DAB1: variants seen among roughly 807,000 people sequenced by gnomAD.
DAB1 encodes DAB adaptor protein 1.
DAB1 carries 15 observed loss-of-function variants against 64.6 expected under a neutral mutation model. The ratio of observed to expected loss-of-function variants is 0.23; its 90% CI spans 0.16 to 0.36. The LOEUF (loss-of-function observed/expected upper bound fraction) is 0.36, where lower values mean the gene tolerates loss of function less well. Ranked by LOEUF, DAB1 falls within the 10% of genes least tolerant of loss-of-function variation. The probability of loss-of-function intolerance (pLI) is 1.00; values close to 1 mark genes in which losing one functional copy is unlikely to be tolerated. For missense variants in DAB1, 596 were observed against 706.7 expected (o/e 0.84, Z 1.78); for synonymous variants, 235 against 251.9 (o/e 0.93, Z 0.64).
At chr1:57,194,519 G>C (rs137980477) in intron 2 of DAB1, among the ~76,000 whole-genome samples, 1 of 152,298 alleles carries the variant, frequency 6.6e-6, no homozygotes, top group East Asian at 1.9e-4. Context: ...CAACAAGTGG[G>C]CCAGATAAAG....
At chr1:57,934,115 C>T (rs996247963) in intron 5 of DAB1, among the ~76,000 whole-genome samples, 2 of 95,480 alleles carry the variant, frequency 2.1e-5, no homozygotes, top group South Asian at 2.9e-4. Context: ...TTAGTAGAGA[C>T]GAGGTTTCAC....
At chr1:57,918,638 C>T (rs1280967490) in intron 5 of DAB1, among the ~76,000 whole-genome samples, 2 of 152,084 alleles carry the variant, frequency 1.3e-5, no homozygotes, top group Non-Finnish European at 2.9e-5. Flanking sequence ...TCCTGGCTAA[C>T]ACAGTGAAAC....
chr1:57,343,479 G>A (rs1178617994), intron 1 of DAB1, among the ~76,000 whole-genome samples: 1 of 152,232 alleles, frequency 6.6e-6, no homozygotes, highest in African/African-American at 2.4e-5. Context: ...TGGTCGATGG[G>A]ACTAGGCGCC....
intron 6 of DAB1, among the ~76,000 whole-genome samples, chr1:57,795,399 T>C (rs952423507): frequency 6.6e-6 from 1 of 151,940 alleles, no homozygotes; most frequent in Non-Finnish European, 1.5e-5. Flanking sequence ...TGGGAAACAC[T>C]GGATGAAGAA....
intron 1 of DAB1, among the ~76,000 whole-genome samples, chr1:57,404,623 CAAGG>C (rs1018245899): frequency 6.6e-6 from 1 of 151,826 alleles, no homozygotes; most frequent in African/African-American, 2.4e-5. Context: ...ATTCAAAAAA[CAAGG>C]AAGAAGGAAT....
chr1:57,076,557 C>T (rs1187285148), intron 4 of DAB1, among the ~76,000 whole-genome samples: 1 of 152,214 alleles, frequency 6.6e-6, no homozygotes, highest in Non-Finnish European at 1.5e-5. Flanking sequence ...TATGCATGAA[C>T]TTCAGGTCAC....
At chr1:58,372,328 G>A (rs58510315) in intron 3 of DAB1, among the ~76,000 whole-genome samples, 31,923 of 152,120 alleles carry the variant, frequency 0.21, 3,390 homozygotes, top group South Asian at 0.27. Flanking sequence ...TTTGCATAGG[G>A]CCTGTGGCCC....
chr1:58,048,975 C>T (rs1290267828), intron 5 of DAB1: 13 of 830,354 alleles, frequency 1.6e-5, no homozygotes, highest in Non-Finnish European at 2.5e-5. Context: ...CCAACAAATA[C>T]CTTTTTCACA....
At chr1:58,538,864 G>C (rs1301663076) in intron 1 of DAB1, 1 of 872,588 alleles carries the variant, frequency 1.1e-6, no homozygotes, top group Non-Finnish European at 2.0e-6. Context: ...AACCGGAGCA[G>C]CTTGAAACCG....
chr1:58,466,249 T>C (rs1645294871), intron 3 of DAB1, among the ~76,000 whole-genome samples: 1 of 152,104 alleles, frequency 6.6e-6, no homozygotes, highest in Non-Finnish European at 1.5e-5. Context: ...AAAGTTTCCG[T>C]AGGATTGTCT....
chr1:57,886,228 G>A (rs564633761), upstream of DAB1, among the ~76,000 whole-genome samples: 7 of 147,398 alleles, frequency 4.7e-5, no homozygotes, highest in South Asian at 1.3e-3. Context: ...GCATAATCTC[G>A]GCTCACTGCA....
chr1:58,416,348 T>A (rs1271803178), intron 3 of DAB1, among the ~76,000 whole-genome samples: 1 of 152,108 alleles, frequency 6.6e-6, no homozygotes, highest in Non-Finnish European at 1.5e-5. Context: ...GTTTTTCCAT[T>A]TGGAGACTGG....
chr1:58,278,241 C>CTGAAAGA (rs1557721067), intron 4 of DAB1, among the ~76,000 whole-genome samples: 1 of 43,388 alleles, frequency 2.3e-5, no homozygotes, highest in African/African-American at 7.6e-5. Flanking sequence ...CTCCTACACA[C>CTGAAAGA]GCATACTGTC....
intron 2 of DAB1, among the ~76,000 whole-genome samples, chr1:57,234,191 G>C (rs1028722611): frequency 6.6e-6 from 1 of 152,140 alleles, no homozygotes. Flanking sequence ...AATACTACAC[G>C]AGTGTACTTT....
intron 5 of DAB1, among the ~76,000 whole-genome samples, chr1:58,030,759 G>A (rs1214347580): frequency 6.6e-6 from 1 of 152,148 alleles, no homozygotes; most frequent in Non-Finnish European, 1.5e-5. Context: ...GAACACATAT[G>A]GAAATAGGCT....
At chr1:57,582,451 C>T (rs1645325035) in intron 7 of DAB1, among the ~76,000 whole-genome samples, 1 of 152,166 alleles carries the variant, frequency 6.6e-6, no homozygotes, top group Non-Finnish European at 1.5e-5. Context: ...GTGGGGATTA[C>T]AATTCAAGAT....
At chr1:57,149,569 T>A (rs955064720) in intron 2 of DAB1, among the ~76,000 whole-genome samples, 1 of 152,206 alleles carries the variant, frequency 6.6e-6, no homozygotes, top group African/African-American at 2.4e-5. Context: ...TTGACTTGCA[T>A]TTCCCTAAGG....
At chr1:57,555,889 T>C (rs1337448488) in intron 7 of DAB1, among the ~76,000 whole-genome samples, 1 of 152,178 alleles carries the variant, frequency 6.6e-6, no homozygotes, top group Non-Finnish European at 1.5e-5. Context: ...TTCATTCCTT[T>C]ACATTCTATT....
At chr1:57,546,250 T>A (rs1250722698) in intron 7 of DAB1, among the ~76,000 whole-genome samples, 2 of 152,168 alleles carry the variant, frequency 1.3e-5, no homozygotes, top group African/African-American at 2.4e-5. Context: ...ACACAAGTCC[T>A]AAGGCTCCTG....
Sources: allele counts gnomAD v4.1 joint callset (sites outside exome capture counted in the v4.1 genomes callset), GRCh38; gene constraint gnomAD v4.1.1; transcripts MANE v1.5; gene names NCBI Gene and HGNC (gene_info 2026-07-23, HGNC 2026-07-21).